The following PHACTR3 variants were observed in gnomAD, a reference collection of about 807,000 sequenced individuals.
PHACTR3 encodes phosphatase and actin regulator 3, also known as protein phosphatase 1, regulatory subunit 123.
Under a neutral mutation model 66.8 loss-of-function variants are expected in PHACTR3, and 16 were observed. The ratio of observed to expected loss-of-function variants is 0.24; its 90% CI spans 0.16 to 0.36. The LOEUF is 0.36. Ranked by LOEUF, PHACTR3 falls within the 10% of genes least tolerant of loss-of-function variation. The probability of loss-of-function intolerance (pLI) is 1.00; values close to 1 mark genes in which losing one functional copy is unlikely to be tolerated. For synonymous variants in PHACTR3, 323 were observed against 292.1 expected (o/e 1.11, Z -1.08); for missense variants, 647 against 719.9 (o/e 0.90, Z 1.16).
intron 1 of PHACTR3, among the ~76,000 whole-genome samples, chr20:59,633,019 C>T (rs757798643): frequency 2.5e-4 from 38 of 151,946 alleles, no homozygotes; most frequent in Admixed American, 5.2e-4. Flanking sequence ...CTGGGGTGCA[C>T]GGGGGCAGGA....
intron 1 of PHACTR3, among the ~76,000 whole-genome samples, chr20:59,650,464 A>G (rs1161383751): frequency 6.6e-6 from 1 of 152,162 alleles, no homozygotes; most frequent in Non-Finnish European, 1.5e-5. Context: ...TTCAAACATC[A>G]TCATATTCAA....
At chr20:59,831,298 C>T (rs1044625101) in intron 8 of PHACTR3, among the ~76,000 whole-genome samples, 1 of 152,216 alleles carries the variant, frequency 6.6e-6, no homozygotes, top group African/African-American at 2.4e-5. Context: ...TCCTGGCTCC[C>T]CAGCCCAGCC....
intron 1 of PHACTR3, among the ~76,000 whole-genome samples, chr20:59,710,898 G>A (rs1404513169): frequency 1.5e-5 from 2 of 133,028 alleles, no homozygotes; most frequent in Non-Finnish European, 3.5e-5. Flanking sequence ...GATTTTGGGG[G>A]AAAAATAAAG....
intron 1 of PHACTR3, among the ~76,000 whole-genome samples, chr20:59,702,059 C>A (rs914287545): frequency 6.6e-6 from 1 of 152,286 alleles, no homozygotes; most frequent in Non-Finnish European, 1.5e-5. Context: ...TTTATTGTTG[C>A]TTAATAGTCC....
intron 7 of PHACTR3, among the ~76,000 whole-genome samples, chr20:59,785,157 C>G (rs1011074687): frequency 6.6e-6 from 1 of 152,130 alleles, no homozygotes; most frequent in Admixed American, 6.5e-5. Context: ...AAACGACAGA[C>G]GTTTGTTTTC....
chr20:59,659,940 T>C (rs545307245), intron 1 of PHACTR3, among the ~76,000 whole-genome samples: 4 of 152,284 alleles, frequency 2.6e-5, no homozygotes, highest in African/African-American at 9.6e-5. Context: ...ACTCAGACTT[T>C]GTAGGGCATC....
At chr20:59,745,636 T>C (rs1285448838) in intron 2 of PHACTR3, among the ~76,000 whole-genome samples, 11 of 152,202 alleles carry the variant, frequency 7.2e-5, no homozygotes, top group African/African-American at 2.7e-4. Context: ...TTGAAGTGAA[T>C]GCAAAGATGA....
chr20:59,824,591 C>T (rs1374788744), intron 8 of PHACTR3, among the ~76,000 whole-genome samples: 1 of 152,224 alleles, frequency 6.6e-6, no homozygotes, highest in Admixed American at 6.5e-5. Flanking sequence ...GGCATTAAGG[C>T]TCTGCCCTGT....
intron 3 of PHACTR3, among the ~76,000 whole-genome samples, chr20:59,753,108 T>A (rs1429023824): frequency 6.6e-6 from 1 of 152,002 alleles, no homozygotes; most frequent in East Asian, 1.9e-4. Context: ...ATGTGGTCTT[T>A]GAGCTAAGAA....
At chr20:59,707,130 A>G (rs2050495585) in intron 1 of PHACTR3, among the ~76,000 whole-genome samples, 1 of 152,244 alleles carries the variant, frequency 6.6e-6, no homozygotes, top group African/African-American at 2.4e-5. Flanking sequence ...GGCTGCATTC[A>G]GTGATGTGGA....
chr20:59,817,904 C>T (rs2041930469), intron 8 of PHACTR3, among the ~76,000 whole-genome samples: 1 of 152,222 alleles, frequency 6.6e-6, no homozygotes, highest in Non-Finnish European at 1.5e-5. Context: ...CACTTATGCA[C>T]TTGTATTGGG....
intron 1 of PHACTR3, 103 bp from the exon 2 acceptor site, chr20:59,743,004 G>GA: frequency 7.6e-7 from 1 of 1,311,660 alleles, no homozygotes; most frequent in Non-Finnish European, 1.1e-6. Flanking sequence ...GCTTTGGGGG[G>GA]ATCACTGGTG....
At chr20:59,672,492 G>A (rs1186312852) in intron 1 of PHACTR3, among the ~76,000 whole-genome samples, 1 of 152,188 alleles carries the variant, frequency 6.6e-6, no homozygotes, top group African/African-American at 2.4e-5. Context: ...GCTAGGATCT[G>A]GGCTGTGGAA....
chr20:59,823,949 A>G (rs985088289), intron 8 of PHACTR3, among the ~76,000 whole-genome samples: 1 of 152,252 alleles, frequency 6.6e-6, no homozygotes, highest in African/African-American at 2.4e-5. Context: ...TGATCCATGC[A>G]CAGCTCAGCT....
intron 1 of PHACTR3, among the ~76,000 whole-genome samples, chr20:59,578,481 G>GT (rs573932791): frequency 2.6e-3 from 395 of 152,340 alleles, no homozygotes; most frequent in African/African-American, 8.8e-3. Flanking sequence ...GAGAATCTGT[G>GT]TTTTTAACCA....
intron 7 of PHACTR3, among the ~76,000 whole-genome samples, chr20:59,800,544 A>G (rs562775146): frequency 2.2e-4 from 33 of 152,058 alleles, no homozygotes; most frequent in Admixed American, 4.6e-4. Context: ...TTGTTACTCT[A>G]TACAGTGAAT....
intron 12 of PHACTR3, among the ~76,000 whole-genome samples, chr20:59,846,659 GT>G (rs1214350708): frequency 4.4e-4 from 67 of 152,206 alleles, no homozygotes; most frequent in African/African-American, 1.5e-3. Flanking sequence ...TACTTAAAAT[GT>G]GGTATAAAGA....
chr20:59,795,041 G>T (rs1448417173), intron 7 of PHACTR3, among the ~76,000 whole-genome samples: 1 of 150,754 alleles, frequency 6.6e-6, no homozygotes, highest in African/African-American at 2.4e-5. Flanking sequence ...TACTAATTTT[G>T]GGTTGAGTTT....
chr20:59,767,932 C>T (rs1272229123), intron 5 of PHACTR3, among the ~76,000 whole-genome samples: 1 of 151,794 alleles, frequency 6.6e-6, no homozygotes, highest in East Asian at 1.9e-4. Context: ...GTGCTTCTCT[C>T]TGAGTCTCAG....
Sources: gnomAD v4.1 joint callset for allele counts (sites outside exome capture counted in the v4.1 genomes callset) on GRCh38, gnomAD v4.1.1 for gene constraint, MANE v1.5 for transcripts, NCBI Gene and HGNC (gene_info 2026-07-23, HGNC 2026-07-21) for gene names.